The following ZNF674 variants were observed in gnomAD, a reference collection of about 807,000 sequenced individuals.
The protein encoded by ZNF674 is zinc finger family member 674.
Under a neutral mutation model 7.0 loss-of-function variants are expected in ZNF674, and 2 were observed. The observed-to-expected ratio is 0.29, with a 90% CI of 0.12 to 0.90. ZNF674 has a LOEUF of 0.90. Ranked by LOEUF, ZNF674 falls within the 40% of genes least tolerant of loss-of-function variation. ZNF674 has a pLI of 0.57. For synonymous variants in ZNF674, 103 were observed against 145.2 expected, an observed-to-expected ratio of 0.71 and a Z score of 2.09; for missense variants, 297 against 415.5, an observed-to-expected ratio of 0.71 and a Z score of 2.48.
intron 3 of ZNF674, among the ~76,000 whole-genome samples, chrX:46,538,170 T>C (rs370649891): frequency 3.2e-4 from 36 of 112,174 alleles, no homozygotes; most frequent in African/African-American, 8.7e-4. Context: ...CAAATATATA[T>C]TTAGGTCTAC....
intron 5 of ZNF674, among the ~76,000 whole-genome samples, chrX:46,513,045 A>G (rs753607522): frequency 1.5e-3 from 170 of 111,329 alleles, no homozygotes; most frequent in African/African-American, 5.3e-3. Flanking sequence ...CAGGCAGATC[A>G]CGAGGTCAAG....
intron 3 of ZNF674, among the ~76,000 whole-genome samples, chrX:46,535,089 A>G (rs1942178960): frequency 8.9e-6 from 1 of 112,225 alleles, no homozygotes; most frequent in South Asian, 3.6e-4. Context: ...ACATACAGTC[A>G]CAGACTGATC....
chrX:46,532,178 AAAAAC>A (rs1192337897), intron 3 of ZNF674, among the ~76,000 whole-genome samples: 2 of 112,102 alleles, frequency 1.8e-5, no homozygotes, highest in African/African-American at 6.5e-5. Context: ...CAAAAAAACA[AAAAAC>A]AAAACAAAAC....
At position 46,518,923 on chromosome X, in the gene ZNF674, G is replaced by T. The variant is rs181222125; in HGVS notation, c.238+9427C>A. 4.3e-3 allele frequency among the ~76,000 whole-genome samples: 422 copies of T among 98,820 alleles called. 1 individual carries two copies. Among genetic ancestry groups the T allele is most frequent in the African/African-American group, 0.014 (391 of 28,245 alleles). The allele number at this position is 98,820 out of a possible 115,157, so 85.8% of individuals were successfully genotyped here. On this transcript the variant is annotated intron_variant, in intron 5 of 5. Coordinates refer to ENST00000683375, the MANE Select transcript of ZNF674 (RefSeq NM_001190417.2). ...ATAAATAAATAAATAAATAAATAGGGCAGGACACAGTGGTTCACGCCTGTA... is the reference window on the plus strand; with the variant it reads ...ATAAATAAATAAATAAATAAATAGGTCAGGACACAGTGGTTCACGCCTGTA...
At chrX:46,532,439 C>T (rs773636174) in intron 3 of ZNF674, among the ~76,000 whole-genome samples, 20 of 111,811 alleles carry the variant, frequency 1.8e-4, no homozygotes, top group Non-Finnish European at 3.2e-4. Flanking sequence ...CATTGTGTCA[C>T]ATATCTTTGT....
chrX:46,501,863 G>A (rs1001320784), intron 5 of ZNF674, among the ~76,000 whole-genome samples: 12 of 108,845 alleles, frequency 1.1e-4, no homozygotes, highest in African/African-American at 3.7e-4. Context: ...TGGCTAGTGG[G>A]GAATCCTTCT....
intron 3 of ZNF674, among the ~76,000 whole-genome samples, chrX:46,530,278 C>T (rs1942088119): frequency 8.9e-6 from 1 of 111,894 alleles, no homozygotes; most frequent in African/African-American, 3.2e-5. Flanking sequence ...GTTTCTCCAG[C>T]AGGAGGGCTT....
At chrX:46,524,997 G>A (rs1431986823) in intron 5 of ZNF674, among the ~76,000 whole-genome samples, 2 of 110,638 alleles carry the variant, frequency 1.8e-5, no homozygotes, top group Admixed American at 9.8e-5. Flanking sequence ...GGAACAGAAC[G>A]AGACTCCATC....
chrX:46,542,159 A>G (rs947260785), intron 2 of ZNF674, 43 bp from the exon 3 acceptor site: 4 of 762,067 alleles, frequency 5.2e-6, no homozygotes, highest in Non-Finnish European at 7.6e-6. Context: ...GTGGGTATAG[A>G]CATAAGATCA....
intron 3 of ZNF674, among the ~76,000 whole-genome samples, chrX:46,533,280 T>C (rs1602084439): frequency 1.8e-5 from 2 of 111,230 alleles, no homozygotes; most frequent in East Asian, 5.6e-4. Context: ...GCTGAATCCA[T>C]GGCCTACCAA....
intron 1 of ZNF674, 92 bp downstream of exon 1, chrX:46,545,279 C>T (rs767221190): frequency 3.5e-4 from 39 of 111,408 alleles, no homozygotes; most frequent in African/African-American, 1.3e-3. Context: ...TCACCCGTGG[C>T]CCCATGACCC....
intron 5 of ZNF674, among the ~76,000 whole-genome samples, chrX:46,505,422 T>G (rs1366351756): frequency 9.0e-6 from 1 of 111,594 alleles, no homozygotes; most frequent in Admixed American, 9.6e-5. Context: ...AAATCAATCA[T>G]TTCACGACTT....
intron 5 of ZNF674, among the ~76,000 whole-genome samples, chrX:46,504,662 T>C (rs1941496274): frequency 9.2e-6 from 1 of 109,203 alleles, no homozygotes; most frequent in African/African-American, 3.3e-5. Flanking sequence ...ATAATTTGAG[T>C]GTAACAATCT....
intron 5 of ZNF674, among the ~76,000 whole-genome samples, chrX:46,503,151 AT>A (rs1412203571): frequency 8.9e-6 from 1 of 112,467 alleles, no homozygotes; most frequent in East Asian, 2.8e-4. Context: ...ATAAGTAAAA[AT>A]ATCCCCTATA....
rs1236103997 is a variant in ZNF674 at position 46,504,345 on chromosome X, A to AT, written c.239-3011dup. Among the ~76,000 whole-genome samples, 275 of 102,636 alleles carry AT rather than the reference A, an allele frequency of 2.7e-3. 2 individuals are homozygous for AT. The highest frequency in any genetic ancestry group is 4.4e-3 in the African/African-American group (125 of 28,524). The allele number at this position is 102,636 out of a possible 115,157, so 89.1% of individuals were successfully genotyped here. ...AGCAAGTTGCAGAAAGATCCCTATAATTTTTTTTTTTTTTGAGATGGAGTC... is the reference window on the plus strand; with the variant it reads ...AGCAAGTTGCAGAAAGATCCCTATAATTTTTTTTTTTTTTTGAGATGGAGTC... On this transcript the variant is annotated intron_variant, in intron 5 of 5. Transcript: ENST00000683375.
chrX:46,529,067 A>G, intron 3 of ZNF674, 158 bp from the exon 4 acceptor site: 1 of 983,527 alleles, frequency 1.0e-6, no homozygotes, highest in Middle Eastern at 2.9e-4. Context: ...AACTTGACAG[A>G]TGAAGAGTGT....
chrX:46,536,614 G>A (rs1360211944), intron 3 of ZNF674, among the ~76,000 whole-genome samples: 2 of 106,804 alleles, frequency 1.9e-5, no homozygotes, highest in South Asian at 4.2e-4. Context: ...AAAGTTAGAC[G>A]GGCATGGTGG....
chrX:46,537,475 CA>C lies in ZNF674; in HGVS notation c.15+4597del, dbSNP rs1356407164. On this transcript the variant is annotated intron_variant, in intron 3 of 5. Coordinates refer to ENST00000683375, the MANE Select transcript of ZNF674 (RefSeq NM_001190417.2). Reference sequence around the variant, plus strand: ...GAGACTGGGTTCATTTGTTGGAATGCAACAGAAAGGGAGGAATGAAAATTGG... The same window carrying C: ...GAGACTGGGTTCATTTGTTGGAATGCACAGAAAGGGAGGAATGAAAATTGG... 2.7e-5 allele frequency among the ~76,000 whole-genome samples: 3 copies of C among 111,720 alleles called. No homozygotes were observed. The East Asian group carries it at 8.4e-4, about 31-fold the overall frequency.
At chrX:46,502,628 A>G (rs1205206712) in intron 5 of ZNF674, among the ~76,000 whole-genome samples, 2 of 112,056 alleles carry the variant, frequency 1.8e-5, no homozygotes, top group African/African-American at 6.5e-5. Flanking sequence ...ATCTTGGGAA[A>G]TCACTTAGTC....
Sources: allele counts gnomAD v4.1 joint callset (sites outside exome capture counted in the v4.1 genomes callset), GRCh38; gene constraint gnomAD v4.1.1; transcripts MANE v1.5; gene names NCBI Gene and HGNC (gene_info 2026-07-23, HGNC 2026-07-21).